Variants in SLC30A7 observed in about 807,000 individuals in gnomAD.
The protein encoded by SLC30A7 is zinc transporter 7.
A neutral mutation model predicts 46.0 loss-of-function variants in SLC30A7; 35 were observed. The ratio of observed to expected loss-of-function variants is 0.76; its 90% CI spans 0.58 to 1.01. SLC30A7 has a LOEUF of 1.01. SLC30A7 is among the 50% of genes least tolerant of loss of function. The pLI, the probability that SLC30A7 is intolerant of heterozygous loss-of-function variation, is 0.00. For missense variants in SLC30A7, 464 were observed against 451.1 expected (o/e 1.03, Z -0.26); for synonymous variants, 147 against 157.8 (o/e 0.93, Z 0.51).
intron 8 of SLC30A7, among the ~76,000 whole-genome samples, chr1:100,947,310 A>G (rs1203773657): frequency 6.6e-6 from 1 of 152,040 alleles, no homozygotes; most frequent in Non-Finnish European, 1.5e-5. Flanking sequence ...TCATTTCATT[A>G]TTTACCCAGT....
At chr1:100,919,894 C>A (rs1652833307) in intron 7 of SLC30A7, among the ~76,000 whole-genome samples, 1 of 152,072 alleles carries the variant, frequency 6.6e-6, no homozygotes, top group African/African-American at 2.4e-5. Context: ...TATGCTACAT[C>A]TTGACTCCTG....
intron 8 of SLC30A7, among the ~76,000 whole-genome samples, chr1:100,925,990 C>T (rs2101038454): frequency 6.6e-6 from 1 of 152,278 alleles, no homozygotes; most frequent in African/African-American, 2.4e-5. Flanking sequence ...CAGTATGGTA[C>T]TCCTGCCTGC....
chr1:100,914,513 T>G (rs1007776575), intron 6 of SLC30A7, among the ~76,000 whole-genome samples: 16 of 152,360 alleles, frequency 1.1e-4, no homozygotes, highest in African/African-American at 3.6e-4. Flanking sequence ...TTTTGATGTC[T>G]GTCACCTGAT....
At chr1:100,948,723 T>C (rs1445082115) in intron 8 of SLC30A7, among the ~76,000 whole-genome samples, 1 of 152,234 alleles carries the variant, frequency 6.6e-6, no homozygotes, top group Non-Finnish European at 1.5e-5. Flanking sequence ...CCTGTATTTC[T>C]TGGAGGCTTT....
At chr1:100,934,076 A>G (rs1163636000) in intron 8 of SLC30A7, among the ~76,000 whole-genome samples, 1 of 152,216 alleles carries the variant, frequency 6.6e-6, no homozygotes, top group Non-Finnish European at 1.5e-5. Flanking sequence ...TGCTTGGTGC[A>G]CAGTAATATT....
intron 8 of SLC30A7, among the ~76,000 whole-genome samples, chr1:100,933,036 C>T (rs962922159): frequency 2.0e-5 from 3 of 148,260 alleles, no homozygotes; most frequent in South Asian, 2.1e-4. Flanking sequence ...AGTGCTGTGG[C>T]GCAATCTCGG....
chr1:100,927,350 T>A (rs748012456), intron 8 of SLC30A7, among the ~76,000 whole-genome samples: 1 of 152,112 alleles, frequency 6.6e-6, no homozygotes, highest in Non-Finnish European at 1.5e-5. Flanking sequence ...AACCATATGT[T>A]GTTTTAGAAG....
intron 6 of SLC30A7, among the ~76,000 whole-genome samples, chr1:100,916,790 CCTT>C (rs1652591091): frequency 6.7e-6 from 1 of 149,120 alleles, no homozygotes; most frequent in Non-Finnish European, 1.5e-5. Context: ...TGGTAACCAT[CCTT>C]CTACTCTCTG....
chr1:100,970,827 T>C (rs1427203785), intron 10 of SLC30A7, among the ~76,000 whole-genome samples: 1 of 152,046 alleles, frequency 6.6e-6, no homozygotes, highest in East Asian at 1.9e-4. Flanking sequence ...ATACCTTTTT[T>C]GTTAGAAATA....
At chr1:100,951,884 A>T (rs1654974632) in intron 8 of SLC30A7, among the ~76,000 whole-genome samples, 1 of 152,222 alleles carries the variant, frequency 6.6e-6, no homozygotes, top group Non-Finnish European at 1.5e-5. Context: ...GATGTAATTA[A>T]GTTAAAGATT....
In SLC30A7 at chr1:100,968,527, A is replaced by G. The variant is rs1163878123; in HGVS notation, c.1083+2609A>G. ...AAAATAAAAACCTTGGTGGCGCCTC[A>G]TTGCCATCCAGGTAAAGCCCAGACT... is the stretch of plus-strand genomic sequence containing the variant. On this transcript the variant is annotated intron_variant, in intron 10 of 10. Transcript: ENST00000357650. Among the ~76,000 whole-genome samples, 4 of 152,044 alleles carry G rather than the reference A, an allele frequency of 2.6e-5. No individual in the cohort carries two copies. The East Asian group carries it at 7.7e-4, about 29-fold the overall frequency.
At chr1:100,910,741 G>A (rs1224259705) in intron 3 of SLC30A7, among the ~76,000 whole-genome samples, 1 of 151,924 alleles carries the variant, frequency 6.6e-6, no homozygotes, top group African/African-American at 2.4e-5. Flanking sequence ...CACTTGTCTG[G>A]TTCTGTTTTT....
Position 100,974,915 on chromosome 1 carries a change from C to T in SLC30A7, c.*58C>T. The T allele has an allele frequency of 2.2e-6, 3 of 1,378,118 alleles. No individual in the cohort carries two copies. Among genetic ancestry groups the T allele is most frequent in the Non-Finnish European group, 3.0e-6 (3 of 992,356 alleles). 85.4% of individuals were successfully genotyped at this position (1,378,118 alleles called of 1,614,324 possible). On this transcript the variant is annotated 3_prime_UTR_variant, in exon 11 of 11. Coordinates refer to ENST00000357650, the MANE Select transcript of SLC30A7 (RefSeq NM_133496.5). ...CCAAATTTTTCTGGTACTGTACGAT[C>T]CAAAACATTGTACCCAGCTTTTTAA...
chr1:100,951,493 G>A (rs757934912), intron 8 of SLC30A7, among the ~76,000 whole-genome samples: 1 of 152,196 alleles, frequency 6.6e-6, no homozygotes, highest in Non-Finnish European at 1.5e-5. Flanking sequence ...TCTCGTAGTT[G>A]AAGAAGAATG....
In SLC30A7 at chr1:100,896,621, GA is replaced by G; in HGVS notation, c.134del (p.Asn45ThrfsTer18). On this transcript the variant is annotated frameshift_variant, in exon 2 of 11. Coordinates refer to ENST00000357650, the MANE Select transcript of SLC30A7 (RefSeq NM_133496.5). LOFTEE classifies it high-confidence loss of function. ...GGAACCTGTTTTTCTTCCTGTGCCT[GA>G]ACCTCTCTTTCGCTTTTGTGGAACT... ...SRNLFFFLCL[N>X]LSFAFVELLY... 6.2e-7 allele frequency: 1 copy of G among 1,614,142 alleles called. No individual in the cohort carries two copies. The highest frequency in any genetic ancestry group is 8.5e-7 in the Non-Finnish European group (1 of 1,180,022).
intron 8 of SLC30A7, among the ~76,000 whole-genome samples, chr1:100,937,874 G>GT (rs1654071585): frequency 6.6e-6 from 1 of 152,090 alleles, no homozygotes; most frequent in African/African-American, 2.4e-5. Context: ...GAGTTTTATA[G>GT]TTTTAGGTCT....
chr1:100,987,096 C>A, the SLC30A7 span, among the ~76,000 whole-genome samples: 2 of 152,126 alleles, frequency 1.3e-5, no homozygotes, highest in African/African-American at 4.8e-5. Context: ...GACAGAGGAA[C>A]CTGGTTAAGT....
chr1:100,906,749 T>C (rs1264301143), intron 2 of SLC30A7, 103 bp from the exon 3 acceptor site: 3 of 734,362 alleles, frequency 4.1e-6, no homozygotes, highest in Admixed American at 4.5e-5. Flanking sequence ...TTGTTTTAGA[T>C]GGTTAATTCC....
chr1:100,974,679 T>C, intron 10 of SLC30A7, 131 bp from the exon 11 acceptor site: 1 of 602,022 alleles, frequency 1.7e-6, no homozygotes, highest in Non-Finnish European at 2.7e-6. Context: ...ATGAATATAT[T>C]TGTTTCTGAA....
Sources: gnomAD v4.1 joint callset for allele counts (sites outside exome capture counted in the v4.1 genomes callset) on GRCh38, gnomAD v4.1.1 for gene constraint, MANE v1.5 for transcripts, NCBI Gene and HGNC (gene_info 2026-07-23, HGNC 2026-07-21) for gene names.